The following ZFYVE28 variants were observed in gnomAD, a reference collection of about 807,000 sequenced individuals.
The protein encoded by ZFYVE28 is lateral signaling target protein 2 homolog.
A neutral mutation model predicts 82.1 loss-of-function variants in ZFYVE28; 40 were observed. The observed-to-expected ratio is 0.49, with a 90% CI of 0.38 to 0.63. The LOEUF (loss-of-function observed/expected upper bound fraction) is 0.63. Among genes scored for constraint, ZFYVE28 ranks in the 30% least tolerant of loss-of-function variants. The pLI is 0.00. For missense variants in ZFYVE28, 1,321 were observed against 1,242.1 expected (o/e 1.06, Z -0.96); for synonymous variants, 612 against 546.1 (o/e 1.12, Z -1.68).
At chr4:2,284,322 C>T (rs1712405503) in intron 8 of ZFYVE28, among the ~76,000 whole-genome samples, 1 of 152,200 alleles carries the variant, frequency 6.6e-6, no homozygotes, top group Non-Finnish European at 1.5e-5. Context: ...CCGGGCCCCA[C>T]ATGATCCTCC....
intron 8 of ZFYVE28, among the ~76,000 whole-genome samples, chr4:2,301,920 G>A (rs938412394): frequency 6.6e-6 from 1 of 152,212 alleles, no homozygotes; most frequent in Non-Finnish European, 1.5e-5. Context: ...GCGCGAGGCT[G>A]TTCATCGTGG....
intron 1 of ZFYVE28, among the ~76,000 whole-genome samples, chr4:2,397,242 T>C (rs558133447): frequency 6.6e-6 from 1 of 152,156 alleles, no homozygotes; most frequent in East Asian, 1.9e-4. Context: ...GAGGCCAAGG[T>C]GGGTGGATCA....
At chr4:2,279,997 C>A (rs1051866689) in intron 8 of ZFYVE28, among the ~76,000 whole-genome samples, 3 of 152,044 alleles carry the variant, frequency 2.0e-5, no homozygotes, top group African/African-American at 7.3e-5. Context: ...CATGGATGTA[C>A]CACAAATTAC....
rs149674636 is a variant in ZFYVE28 at position 2,354,416 on chromosome 4, C to T, written c.40-343G>A. On this transcript the variant is annotated intron_variant, in intron 1 of 12. Coordinates refer to ENST00000290974, the MANE Select transcript of ZFYVE28 (RefSeq NM_020972.3). The stretch of plus-strand genomic sequence containing the variant: ...AAAGGGGCTCTGGGAAGAGTGGGGT[C>T]CCCGGCGCTCCAGGCGACAAAAGCA... Among the ~76,000 whole-genome samples, 5 of 152,010 alleles carry T rather than the reference C, an allele frequency of 3.3e-5. No individual in the cohort carries two copies. In the East Asian group the frequency reaches 9.7e-4, roughly 29 times the overall value.
Position 2,270,714 on chromosome 4 carries a change from C to G in ZFYVE28, c.*11G>C, listed in dbSNP as rs2108795876. On this transcript the variant is annotated 3_prime_UTR_variant, in exon 13 of 13. Coordinates refer to ENST00000290974, the MANE Select transcript of ZFYVE28 (RefSeq NM_020972.3). ...TGGCCCGGGTGGGTTGGGGCTGCCC[C>G]TGGCACCACGTCACAGGCCGGCCTT... 1 of 1,612,950 alleles carries G rather than the reference C, an allele frequency of 6.2e-7. No individual in the cohort carries two copies. Among genetic ancestry groups the G allele is most frequent in the East Asian group, 2.2e-5 (1 of 44,882 alleles).
At chr4:2,350,669 GC>G (rs1724287819) in intron 2 of ZFYVE28, among the ~76,000 whole-genome samples, 1 of 152,110 alleles carries the variant, frequency 6.6e-6, no homozygotes, top group Admixed American at 6.5e-5. Context: ...GGGACTTTCA[GC>G]CCCCACCCCC....
intron 3 of ZFYVE28, among the ~76,000 whole-genome samples, chr4:2,340,238 C>A (rs73087154): frequency 6.6e-6 from 1 of 152,056 alleles, no homozygotes; most frequent in Admixed American, 6.5e-5. Context: ...GTGTGAGAGT[C>A]CCTGGGCTCC....
At chr4:2,346,666 A>G (rs1723648095) in intron 2 of ZFYVE28, among the ~76,000 whole-genome samples, 1 of 152,186 alleles carries the variant, frequency 6.6e-6, no homozygotes, top group South Asian at 2.1e-4. Context: ...GTGAAATTGT[A>G]CAATGTCATT....
At position 2,385,106 on chromosome 4, in the gene ZFYVE28, C is replaced by T. The variant is rs1057201178; in HGVS notation, c.40-31033G>A. ...AGGACTGGCGAGAAGGGGGACCAGA[C>T]TGGAAGGCCAAGTCACTCAGGGACC... On this transcript the variant is annotated intron_variant, in intron 1 of 12. Transcript: ENST00000290974. Among the ~76,000 whole-genome samples the T allele has an allele frequency of 5.9e-5, 9 of 152,324 alleles. No individual in the cohort carries two copies. In the East Asian group the frequency reaches 1.7e-3, roughly 29 times the overall value.
At chr4:2,397,734 T>C (rs527927951) in intron 1 of ZFYVE28, among the ~76,000 whole-genome samples, 63 of 152,178 alleles carry the variant, frequency 4.1e-4, no homozygotes, top group Non-Finnish European at 7.1e-4. Flanking sequence ...ATCCATGCCG[T>C]AGTATGTGTC....
chr4:2,401,041 A>G (rs564275802), intron 1 of ZFYVE28, among the ~76,000 whole-genome samples: 1 of 152,336 alleles, frequency 6.6e-6, no homozygotes, highest in East Asian at 1.9e-4. Flanking sequence ...GGCAGACGTC[A>G]CACACACCCT....
intron 1 of ZFYVE28, among the ~76,000 whole-genome samples, chr4:2,359,594 A>C (rs988505658): frequency 6.6e-6 from 1 of 152,158 alleles, no homozygotes; most frequent in Non-Finnish European, 1.5e-5. Context: ...AGCCAAGGAG[A>C]GACCCAGCCT....
chr4:2,282,956 G>C (rs1192623683), intron 8 of ZFYVE28, among the ~76,000 whole-genome samples: 2 of 152,152 alleles, frequency 1.3e-5, no homozygotes, highest in Non-Finnish European at 2.9e-5. Flanking sequence ...CATCAAGAGT[G>C]ACTGGTAGGC....
chr4:2,379,874 A>G (rs1400073220), intron 1 of ZFYVE28, among the ~76,000 whole-genome samples: 1 of 151,776 alleles, frequency 6.6e-6, no homozygotes, highest in Non-Finnish European at 1.5e-5. Context: ...TGCGGCTTCC[A>G]TCTCCCGGGT....
At position 2,269,944 on chromosome 4, in the gene ZFYVE28, G is replaced by C. The variant is rs1412850842; in HGVS notation, c.*781C>G. 1 of 152,370 alleles carries C rather than the reference G, an allele frequency of 6.6e-6. No homozygotes were observed. The highest frequency in any genetic ancestry group is 2.4e-5 in the African/African-American group (1 of 41,456). 9.4% of individuals were successfully genotyped at this position (152,370 alleles called of 1,614,324 possible). A position where few individuals can be genotyped will look rare whatever the true frequency, so the allele number is the denominator to read the frequency against. On this transcript the variant is annotated 3_prime_UTR_variant, in exon 13 of 13. Coordinates refer to ENST00000290974, the MANE Select transcript of ZFYVE28 (RefSeq NM_020972.3). ...GTTCCAGAGGGTGCAGAGGGAAGGG[G>C]AAGTGGTAGCTGAGCTGGTGGCCCC...
rs1449069257 is a variant in ZFYVE28 at position 2,394,794 on chromosome 4, G to A, written c.39+23491C>T. On this transcript the variant is annotated intron_variant, in intron 1 of 12. Transcript: ENST00000290974. This position sits in a 1 kb window ranked among gnomAD's most constrained non-coding sequence, Gnocchi z 4.0. ...ACTGTCGGCGGTCAGAGGCGTCCTC[G>A]TCCTTGCAGCAACCCTGGTGCCAGC... 6.6e-6 allele frequency among the ~76,000 whole-genome samples: 1 copy of A among 152,190 alleles called. No individual in the cohort carries two copies.
At chr4:2,400,979 A>G (rs875130) in intron 1 of ZFYVE28, among the ~76,000 whole-genome samples, 35,978 of 152,232 alleles carry the variant, frequency 0.24, 4,401 homozygotes, top group Middle Eastern at 0.34. Context: ...AACAGGATTC[A>G]GCTATTGACT....
chr4:2,360,493 C>T (rs1440917511), intron 1 of ZFYVE28, among the ~76,000 whole-genome samples: 1 of 151,994 alleles, frequency 6.6e-6, no homozygotes, highest in East Asian at 1.9e-4. Context: ...GAGCTAGCGT[C>T]CCGGCCATTC....
chr4:2,377,492 T>G (rs1218070714), intron 1 of ZFYVE28, among the ~76,000 whole-genome samples: 3 of 152,210 alleles, frequency 2.0e-5, no homozygotes, highest in African/African-American at 7.2e-5. Flanking sequence ...ATAGGAAATG[T>G]TACAACGAGC....
Sources: gnomAD v4.1 joint callset for allele counts (sites outside exome capture counted in the v4.1 genomes callset) on GRCh38, gnomAD v4.1.1 for gene constraint, Gnocchi (gnomAD v3.1) non-coding constraint, MANE v1.5 for transcripts, NCBI Gene and HGNC (gene_info 2026-07-23, HGNC 2026-07-21) for gene names.